Variants in TMEM232 observed in about 807,000 individuals in gnomAD.
TMEM232 encodes transmembrane protein 232.
TMEM232 carries 80 observed loss-of-function variants against 78.8 expected under a neutral mutation model. The observed-to-expected ratio is 1.01, with a 90% CI of 0.85 to 1.22. TMEM232 has a LOEUF of 1.22. Ranked by LOEUF, TMEM232 falls within the 50% of genes most tolerant of loss-of-function variation. The pLI is 0.00. For missense variants in TMEM232, 881 were observed against 742.2 expected (o/e 1.19, Z -2.17); for synonymous variants, 297 against 254.3 (o/e 1.17, Z -1.60).
chr5:110,432,415 T>C (rs1164543103), intron 12 of TMEM232, among the ~76,000 whole-genome samples: 1 of 151,622 alleles, frequency 6.6e-6, no homozygotes, highest in East Asian at 1.9e-4. Context: ...ATGAAGTTTT[T>C]CCCAAACATG....
intron 1 of TMEM232, among the ~76,000 whole-genome samples, chr5:110,735,709 T>C (rs148152431): frequency 6.6e-5 from 10 of 152,292 alleles, no homozygotes; most frequent in East Asian, 5.8e-4. Context: ...ATAAACGACA[T>C]TGTGTTTCCC....
intron 12 of TMEM232, among the ~76,000 whole-genome samples, chr5:110,481,235 A>T (rs1044217284): frequency 2.6e-5 from 4 of 152,244 alleles, no homozygotes; most frequent in Admixed American, 6.6e-5. Context: ...AAGCTGTTCA[A>T]TGTTAAATTG....
chr5:110,546,454 C>A (rs1773795149), intron 11 of TMEM232, among the ~76,000 whole-genome samples: 1 of 151,956 alleles, frequency 6.6e-6, no homozygotes, highest in African/African-American at 2.4e-5. Flanking sequence ...TATATTCAAT[C>A]CTTATGAAAT....
At chr5:110,657,223 T>C (rs1028080540) in intron 2 of TMEM232, among the ~76,000 whole-genome samples, 1 of 152,218 alleles carries the variant, frequency 6.6e-6, no homozygotes, top group East Asian at 1.9e-4. Context: ...AGAACTGCCA[T>C]ATAATCCAGC....
intron 1 of TMEM232, among the ~76,000 whole-genome samples, chr5:110,684,077 T>C (rs2150193211): frequency 6.6e-6 from 1 of 152,068 alleles, no homozygotes; most frequent in East Asian, 1.9e-4. Flanking sequence ...TTTAATTAAA[T>C]GTATCTAGGA....
At chr5:110,718,479 C>T (rs997660079) in intron 1 of TMEM232, among the ~76,000 whole-genome samples, 1 of 151,846 alleles carries the variant, frequency 6.6e-6, no homozygotes, top group Non-Finnish European at 1.5e-5. Flanking sequence ...TATTTATGTT[C>T]TTTGTATGTG....
intron 10 of TMEM232, among the ~76,000 whole-genome samples, chr5:110,602,230 G>C (rs1781004336): frequency 1.3e-5 from 2 of 152,048 alleles, no homozygotes; most frequent in African/African-American, 2.4e-5. Flanking sequence ...CAGGACACAG[G>C]CATGGGCAAA....
chr5:110,469,629 C>CTGCA (rs1762454236), intron 12 of TMEM232, among the ~76,000 whole-genome samples: 1 of 152,306 alleles, frequency 6.6e-6, no homozygotes, highest in South Asian at 2.1e-4. Flanking sequence ...CTAGTTGCTG[C>CTGCA]TGCACCCTGT....
intron 4 of TMEM232, among the ~76,000 whole-genome samples, chr5:110,640,068 T>C (rs1481425108): frequency 1.3e-5 from 2 of 152,230 alleles, no homozygotes; most frequent in African/African-American, 4.8e-5. Context: ...ATCACATGAC[T>C]GATTAAAACT....
intron 10 of TMEM232, among the ~76,000 whole-genome samples, chr5:110,580,760 A>G (rs1256543050): frequency 6.6e-6 from 1 of 151,722 alleles, no homozygotes; most frequent in Admixed American, 6.6e-5. Flanking sequence ...ACACATAAAA[A>G]TTTCTCCAGA....
At chr5:110,577,812 C>G (rs1028049890) in intron 10 of TMEM232, among the ~76,000 whole-genome samples, 10 of 151,818 alleles carry the variant, frequency 6.6e-5, no homozygotes, top group African/African-American at 2.4e-4. Context: ...TAAGTGGGAG[C>G]TAAATGATGA....
chr5:110,464,003 A>G (rs1410237395), intron 12 of TMEM232, among the ~76,000 whole-genome samples: 1 of 152,198 alleles, frequency 6.6e-6, no homozygotes, highest in Non-Finnish European at 1.5e-5. Flanking sequence ...TCATTTTATC[A>G]TATGGGTCTT....
intron 12 of TMEM232, among the ~76,000 whole-genome samples, chr5:110,511,586 G>A (rs1425975100): frequency 6.6e-6 from 1 of 151,782 alleles, no homozygotes. Flanking sequence ...TGTGCTTACA[G>A]TGCCAGGTAC....
chr5:110,508,744 C>T (rs1301476164), intron 12 of TMEM232, among the ~76,000 whole-genome samples: 1 of 149,812 alleles, frequency 6.7e-6, no homozygotes. Context: ...TAGGACTAAA[C>T]GTGCTATGGA....
At chr5:110,597,867 G>C (rs1233807523) in intron 10 of TMEM232, among the ~76,000 whole-genome samples, 2 of 152,154 alleles carry the variant, frequency 1.3e-5, no homozygotes, top group Non-Finnish European at 2.9e-5. Context: ...ATTAATTCAA[G>C]ATGGATTAAA....
intron 1 of TMEM232, among the ~76,000 whole-genome samples, chr5:110,691,516 A>G (rs572234164): frequency 3.4e-4 from 51 of 152,238 alleles, no homozygotes; most frequent in Non-Finnish European, 6.9e-4. Context: ...AAATGGAAAT[A>G]AAATTCTAAA....
intron 5 of TMEM232, among the ~76,000 whole-genome samples, chr5:110,632,478 G>C (rs545640550): frequency 2.7e-4 from 41 of 151,824 alleles, no homozygotes; most frequent in African/African-American, 9.7e-4. Context: ...AGATACAAGA[G>C]AATTTCAAAA....
At chr5:110,709,960 A>C (rs1369244455) in intron 1 of TMEM232, among the ~76,000 whole-genome samples, 1 of 152,060 alleles carries the variant, frequency 6.6e-6, no homozygotes, top group South Asian at 2.1e-4. Context: ...AAAAAAATCA[A>C]AAAAATCAAT....
intron 12 of TMEM232, among the ~76,000 whole-genome samples, chr5:110,474,899 C>CTATGA (rs1417294701): frequency 6.6e-6 from 1 of 151,922 alleles, no homozygotes; most frequent in African/African-American, 2.4e-5. Context: ...GAAGACTATA[C>CTATGA]TATGATCATA....
Sources: gnomAD v4.1 joint callset for allele counts (sites outside exome capture counted in the v4.1 genomes callset) on GRCh38, gnomAD v4.1.1 for gene constraint, MANE v1.5 for transcripts, NCBI Gene and HGNC (gene_info 2026-07-23, HGNC 2026-07-21) for gene names.